HLA-F: variants seen among roughly 807,000 people sequenced by gnomAD.
HLA-F encodes the protein major histocompatibility complex, class I, F, also known as HLA class I histocompatibility antigen, alpha chain F.
Under a neutral mutation model 49.5 loss-of-function variants are expected in HLA-F, and 46 were observed. The observed-to-expected ratio is 0.93, with a 90% confidence interval of 0.73 to 1.19. The LOEUF (loss-of-function observed/expected upper bound fraction) is 1.19, where lower values mean the gene tolerates loss of function less well. Ranked by LOEUF, HLA-F falls within the 50% of genes most tolerant of loss-of-function variation. HLA-F has a pLI of 0.00. For missense variants in HLA-F, 496 were observed against 579.6 expected (o/e 0.86, Z 1.48); for synonymous variants, 203 against 233.5 (o/e 0.87, Z 1.19).
intron 3 of HLA-F, among the ~76,000 whole-genome samples, chr6:29,733,412 A>G (rs1257091177): frequency 6.6e-6 from 1 of 152,082 alleles, no homozygotes; most frequent in Non-Finnish European, 1.5e-5. Context: ...GTCTTCTGTG[A>G]TCAAATAGAT....
chr6:29,730,796 T>C (rs968004689), downstream of HLA-F, among the ~76,000 whole-genome samples: 3 of 152,076 alleles, frequency 2.0e-5, no homozygotes, highest in Non-Finnish European at 4.4e-5. Context: ...CTAGGCACAA[T>C]GAAACCTCAG....
At chr6:29,725,408 C>G in intron 4 of HLA-F, 39 bp from the exon 5 acceptor site, 1 of 1,609,308 alleles carries the variant, frequency 6.2e-7, no homozygotes, top group Non-Finnish European at 8.5e-7. Context: ...GGGCTGAGGC[C>G]TGGAGATCAG....
At chr6:29,736,207 A>G in intron 3 of HLA-F, 7 of 343,456 alleles carry the variant, frequency 2.0e-5, no homozygotes, top group Non-Finnish European at 4.0e-5. Context: ...TCATTCATGC[A>G]CTACTGGGGC....
downstream of HLA-F, chr6:29,729,144 A>T (rs1418950607): frequency 6.6e-6 from 1 of 152,208 alleles, no homozygotes; most frequent in Non-Finnish European, 1.5e-5. Context: ...CAAGGAAAGC[A>T]GTAAACCCTC....
In HLA-F at chr6:29,727,043, G is replaced by T; in HGVS notation, c.1197G>T (p.Trp399Cys). Residue 399 changes from tryptophan (W) to cysteine (C), a missense_variant, in exon 7 of 7, where the codon TGG (tryptophan) becomes TGT (cysteine). By Grantham distance (215) the Trp-to-Cys change is radical. Coordinates refer to ENST00000259951, the MANE Select transcript of HLA-F (RefSeq NM_001098479.2). Reference protein sequence around the residue: ...DMWILFFLWLWTSFNTAFLAL... With the variant: ...DMWILFFLWLCTSFNTAFLAL... ...GGATCTTGTTTTTTTTGTGGCTGTG[G>T]ACATCTTTCAACACTGCCTTCTTGG... The T allele has an allele frequency of 6.2e-7, 1 of 1,613,318 alleles. No individual in the cohort carries two copies. Among genetic ancestry groups the T allele is most frequent in the Non-Finnish European group, 8.5e-7 (1 of 1,180,046 alleles).
In HLA-F at chr6:29,724,184, C is replaced by T. The variant is rs762870756; in HGVS notation, c.346C>T (p.Leu116Phe). The change falls in exon 3 of 7, where the codon CTC becomes TTC. Residue 116 changes from leucine to phenylalanine, a missense_variant. Transcript: ENST00000259951. ...YNQSEAGSHT[L>F]QGMNGCDMGP... ...CGGGGACCGGCTAGGGTCTCACACC[C>T]TCCAGGGAATGAATGGCTGCGACAT... The T allele has an allele frequency of 6.2e-7, 1 of 1,613,074 alleles. No individual in the cohort carries two copies. Among genetic ancestry groups the T allele is most frequent in the Non-Finnish European group, 8.5e-7 (1 of 1,180,002 alleles).
At chr6:29,736,888 T>C (rs868557292) in intron 3 of HLA-F, 6 of 152,528 alleles carry the variant, frequency 3.9e-5, no homozygotes, top group African/African-American at 1.2e-4. Flanking sequence ...TATTTTCATA[T>C]ATTTTGGGAC....
chr6:29,738,201 T>C (rs1777283099), intron 4 of HLA-F: 2 of 152,284 alleles, frequency 1.3e-5, no homozygotes, highest in African/African-American at 4.8e-5. Flanking sequence ...TTGTGCTTGA[T>C]CTGGAAAAGG....
chr6:29,735,980 T>G (rs1777054532), intron 3 of HLA-F: 1 of 152,560 alleles, frequency 6.6e-6, no homozygotes. Flanking sequence ...TTATTGCACT[T>G]TTCAGCTCCA....
downstream of HLA-F, among the ~76,000 whole-genome samples, chr6:29,731,976 A>AT (rs1183065303): frequency 4.6e-5 from 7 of 152,100 alleles, no homozygotes; most frequent in Admixed American, 4.6e-4. Context: ...GAATTTATTT[A>AT]TTTTTGGAGA....
downstream of HLA-F, among the ~76,000 whole-genome samples, chr6:29,731,089 C>T (rs911062040): frequency 6.2e-4 from 95 of 152,244 alleles, 1 homozygote; most frequent in African/African-American, 2.1e-3. Flanking sequence ...CTGCCATTCC[C>T]GCCACTCCCA....
In HLA-F at chr6:29,727,039, T is replaced by C. The variant is rs571857872; in HGVS notation, c.1193T>C (p.Leu398Pro). ...ATGTGGATCTTGTTTTTTTTGTGGC[T>C]GTGGACATCTTTCAACACTGCCTTC... is the stretch of plus-strand genomic sequence containing the variant. ...GDMWILFFLWLWTSFNTAFLA... is the reference protein window; with the variant it reads ...GDMWILFFLWPWTSFNTAFLA... The change falls in exon 7 of 7, where the codon CTG becomes CCG. Residue 398 changes from leucine (L) to proline (P), a missense_variant. By Grantham distance (98) the Leu-to-Pro change is moderately conservative (BLOSUM62 -3). Transcript: ENST00000259951. The C allele has an allele frequency of 2.4e-4, 384 of 1,613,380 alleles. 4 individuals are homozygous for C. In the South Asian group the frequency reaches 4.1e-3, roughly 17 times the overall value.
chr6:29,726,235 C>T (rs375071768), intron 6 of HLA-F, 192 bp downstream of exon 6: 1 of 944,122 alleles, frequency 1.1e-6, no homozygotes, highest in Non-Finnish European at 1.8e-6. Flanking sequence ...AGGTGACACT[C>T]CAGGGCAGGG....
chr6:29,738,273 G>A (rs2523390), intron 4 of HLA-F: 20,309 of 152,182 alleles, frequency 0.13, 1,540 homozygotes, highest in Non-Finnish European at 0.17. Context: ...GTGGATGCCG[G>A]GGCTGAGCTC....
chr6:29,731,763 T>C (rs73413053), downstream of HLA-F, among the ~76,000 whole-genome samples: 8,191 of 140,920 alleles, frequency 0.058, 344 homozygotes, highest in Middle Eastern at 0.12. Context: ...ACAGTCAGTA[T>C]CACTGAAATG....
Position 29,736,202 on chromosome 6 carries a change from C to G in HLA-F, c.404-1920C>G. ...AGCCACTGCCCATGACTCATTCATT[C>G]ATGCACTACTGGGGCATCATTTCAC... On this transcript the variant is annotated intron_variant, in intron 3 of 4. Transcript: ENST00000465459. The G allele has an allele frequency of 8.7e-6, 3 of 342,884 alleles. No individual in the cohort carries two copies. In the East Asian group the frequency reaches 2.4e-4, roughly 28 times the overall value. The allele number at this position is 342,884 out of a possible 1,614,324, so 21.2% of individuals were successfully genotyped here.
intron 3 of HLA-F, among the ~76,000 whole-genome samples, chr6:29,733,578 T>A (rs1328362176): frequency 6.6e-6 from 1 of 152,256 alleles, no homozygotes; most frequent in Admixed American, 6.5e-5. Flanking sequence ...TTATCACACC[T>A]GTGAATAGTC....
Position 29,724,323 on chromosome 6 carries a change from A to G in HLA-F, c.485A>G (p.Gln162Arg), listed in dbSNP as rs1463875172. 1.2e-6 allele frequency: 2 copies of G among 1,613,246 alleles called. No homozygotes were observed. Among genetic ancestry groups the G allele is most frequent in the Admixed American group, 1.7e-5 (1 of 60,034 alleles). The change falls in exon 3 of 7, where the codon CAG becomes CGG. Residue 162 changes from glutamine to arginine, a missense_variant. Physicochemically the swap from Gln to Arg is conservative, Grantham distance 43. Transcript: ENST00000259951. ...RSWTAADTVA[Q>R]ITQRFYEAEE... ...TGGACCGCGGCGGACACCGTGGCTCAGATCACCCAGCGCTTCTATGAGGCA... is the reference window on the plus strand; with the variant it reads ...TGGACCGCGGCGGACACCGTGGCTCGGATCACCCAGCGCTTCTATGAGGCA...
At chr6:29,725,861 A>G in intron 5 of HLA-F, 150 bp from the exon 6 acceptor site, 1 of 880,292 alleles carries the variant, frequency 1.1e-6, no homozygotes, top group Non-Finnish European at 1.8e-6. Context: ...CAGGACCCAC[A>G]TCTGCTTTCT....
Sources: allele counts gnomAD v4.1 joint callset (sites outside exome capture counted in the v4.1 genomes callset), GRCh38; gene constraint gnomAD v4.1.1; transcripts MANE v1.5; gene names NCBI Gene and HGNC (gene_info 2026-07-23, HGNC 2026-07-21).